The following ZFP28 variants were observed in gnomAD, a reference collection of about 807,000 sequenced individuals.
ZFP28 encodes ZFP28 zinc finger protein.
ZFP28 carries 31 observed loss-of-function variants against 39.5 expected under a neutral mutation model. The ratio of observed to expected loss-of-function variants is 0.79; its 90% CI spans 0.59 to 1.06. ZFP28 has a LOEUF of 1.06. Ranked by LOEUF, ZFP28 falls within the 50% of genes least tolerant of loss-of-function variation. ZFP28 has a pLI of 0.00. For synonymous variants in ZFP28, 400 were observed against 378.6 expected, an observed-to-expected ratio of 1.06 and a Z score of -0.66; for missense variants, 925 against 1,048.4, an observed-to-expected ratio of 0.88 and a Z score of 1.63.
chr19:56,551,303 T>C (rs2044300033), intron 7 of ZFP28: 2 of 986,960 alleles, frequency 2.0e-6, no homozygotes, highest in Non-Finnish European at 2.4e-6. Flanking sequence ...TTGTAGAAAA[T>C]GTAATTGTTT....
Position 56,547,229 on chromosome 19 carries a change from C to A in ZFP28, c.301-279C>A. 2.6e-6 allele frequency: 1 copy of A among 384,474 alleles called. No individual in the cohort carries two copies. Among genetic ancestry groups the A allele is most frequent in the Non-Finnish European group, 4.7e-6 (1 of 213,248 alleles). 23.8% of individuals were successfully genotyped at this position (384,474 alleles called of 1,614,324 possible). ...GACGGCCGTCTTCTCTCTGTGTCCT[C>A]ACGTGGTCTTTTCCCTGTGCCTGCA... On this transcript the variant is annotated intron_variant, in intron 2 of 7. Coordinates refer to ENST00000301318, the MANE Select transcript of ZFP28 (RefSeq NM_020828.2). This position sits in a 1 kb window ranked among gnomAD's most constrained non-coding sequence, Gnocchi z 4.6.
intron 7 of ZFP28, among the ~76,000 whole-genome samples, chr19:56,553,296 C>G (rs2044321462): frequency 6.6e-6 from 1 of 151,802 alleles, no homozygotes; most frequent in African/African-American, 2.4e-5. Context: ...TCATAGTTTA[C>G]TGCCACATCA....
chr19:56,544,108 C>T (rs1345638379), intron 2 of ZFP28, among the ~76,000 whole-genome samples: 2 of 152,228 alleles, frequency 1.3e-5, no homozygotes, highest in African/African-American at 4.8e-5. Flanking sequence ...GTACCTGGCA[C>T]ATAGTAAGGA....
At chr19:56,541,561 T>C (rs1170201042) in intron 2 of ZFP28, among the ~76,000 whole-genome samples, 1 of 152,128 alleles carries the variant, frequency 6.6e-6, no homozygotes, top group Non-Finnish European at 1.5e-5. Flanking sequence ...GCCAAAACTC[T>C]TCCTGTTACT....
chr19:56,555,251 C>G lies in ZFP28; in HGVS notation c.2466C>G (p.Phe822Leu), dbSNP rs773766950. ...SYNYKKSRKV[F>L]RQTAHLAHHQ... ...ACTATAAGAAAAGCAGAAAAGTCTT[C>G]AGGCAAACTGCTCACTTAGCTCATC... The change falls in exon 8 of 8, where the codon TTC becomes TTG. Residue 822 changes from phenylalanine to leucine, a missense_variant. Phe to Leu is a conservative substitution (Grantham distance 22). Coordinates refer to ENST00000301318, the MANE Select transcript of ZFP28 (RefSeq NM_020828.2). The G allele has an allele frequency of 1.2e-6, 2 of 1,614,206 alleles. No homozygotes were observed. Among genetic ancestry groups the G allele is most frequent in the Non-Finnish European group, 1.7e-6 (2 of 1,180,044 alleles).
chr19:56,539,313 C>A, intron 1 of ZFP28, 87 bp downstream of exon 1: 1 of 1,347,906 alleles, frequency 7.4e-7, no homozygotes, highest in Non-Finnish European at 9.9e-7. Flanking sequence ...CTCTCGGGGA[C>A]CAGTTGCTGG....
Position 56,547,646 on chromosome 19 carries a change from C to CT in ZFP28, c.427+12_427+13insT. The CT allele has an allele frequency of 6.2e-7, 1 of 1,601,242 alleles. No homozygotes were observed. Among genetic ancestry groups the CT allele is most frequent in the Non-Finnish European group, 8.5e-7 (1 of 1,173,186 alleles). ...CCTGGCATCGCTGGGTAAGGGCTCCCACCCCTTTTCCCACCCCTCACCCTA... is the reference window on the plus strand; with the variant it reads ...CCTGGCATCGCTGGGTAAGGGCTCCCTACCCCTTTTCCCACCCCTCACCCTA... On this transcript the variant is annotated intron_variant, in intron 3 of 7. Coordinates refer to ENST00000301318, the MANE Select transcript of ZFP28 (RefSeq NM_020828.2). The surrounding 1 kb of genome is among the most constrained non-coding windows in gnomAD (Gnocchi z 4.6).
At chr19:56,549,356 A>G (rs1477552407) in intron 5 of ZFP28, among the ~76,000 whole-genome samples, 2 of 152,210 alleles carry the variant, frequency 1.3e-5, no homozygotes, top group Non-Finnish European at 2.9e-5. Context: ...AAGGTCAGAA[A>G]TGTTTGACTT....
chr19:56,550,666 A>G lies in ZFP28; in HGVS notation c.898+61A>G, dbSNP rs1380709482. 2.5e-6 allele frequency: 4 copies of G among 1,609,788 alleles called. No individual in the cohort carries two copies. In the Admixed American group the frequency reaches 6.7e-5, roughly 27 times the overall value. On this transcript the variant is annotated intron_variant, in intron 7 of 7. Coordinates refer to ENST00000301318, the MANE Select transcript of ZFP28 (RefSeq NM_020828.2). ...GCAAGAGAGAGCGGAGCTTTTACCA[A>G]AAAGGCTGCATCCTCACTAATATAC...
At chr19:56,541,161 G>A (rs565430432) in intron 2 of ZFP28, among the ~76,000 whole-genome samples, 5 of 152,184 alleles carry the variant, frequency 3.3e-5, no homozygotes, top group Middle Eastern at 3.4e-3. Flanking sequence ...GTCCAGACCC[G>A]AAGTCCTGAG....
Position 56,553,669 on chromosome 19 carries a change from C to T in ZFP28, c.899-15C>T. The T allele has an allele frequency of 1.3e-6, 2 of 1,541,408 alleles. No individual in the cohort carries two copies. The highest frequency in any genetic ancestry group is 1.3e-5 in the South Asian group (1 of 79,236). ...ACACGAAAAAGGAAATATGTGTTTT[C>T]TTGGTATCTTTCAGGCCAGCGATCT... On this transcript the variant is annotated splice_polypyrimidine_tract_variant and intron_variant, in intron 7 of 7. Coordinates refer to ENST00000301318, the MANE Select transcript of ZFP28 (RefSeq NM_020828.2).
rs969673103 is a variant in ZFP28, at chr19:56,551,054, C to G, written c.898+449C>G. On this transcript the variant is annotated intron_variant, in intron 7 of 7. Transcript: ENST00000301318. Reference sequence around the variant, plus strand: ...AGGGAGAATTACACATAAATGTAAGCCATCAGTGAATTACTCTAATGGAAA... The same window carrying G: ...AGGGAGAATTACACATAAATGTAAGGCATCAGTGAATTACTCTAATGGAAA... 16 of 1,158,422 alleles carry G rather than the reference C, an allele frequency of 1.4e-5. No homozygotes were observed. The African/African-American group carries it at 2.5e-4, about 18-fold the overall frequency. 71.8% of individuals were successfully genotyped at this position (1,158,422 alleles called of 1,614,324 possible).
At chr19:56,544,514 T>C (rs928320799) in intron 2 of ZFP28, 3 of 152,204 alleles carry the variant, frequency 2.0e-5, no homozygotes, top group African/African-American at 7.2e-5. Context: ...GCCTAAAATA[T>C]TTACTTTCTG....
chr19:56,547,997 T>A lies in ZFP28; in HGVS notation c.523+95T>A. On this transcript the variant is annotated intron_variant, in intron 4 of 7. Coordinates refer to ENST00000301318, the MANE Select transcript of ZFP28 (RefSeq NM_020828.2). The surrounding 1 kb of genome is among the most constrained non-coding windows in gnomAD (Gnocchi z 4.6). ...ATCTTCAGCAGACTCTTCCTAAGCC[T>A]CTTGCTTAGGAATATCTGTTATTTT... 8.7e-7 allele frequency: 1 copy of A among 1,143,858 alleles called. No individual in the cohort carries two copies. The highest frequency in any genetic ancestry group is 1.3e-6 in the Non-Finnish European group (1 of 798,002). 70.9% of individuals were successfully genotyped at this position (1,143,858 alleles called of 1,614,324 possible).
chr19:56,548,923 A>G (rs1313064058), intron 4 of ZFP28, 35 bp from the exon 5 acceptor site: 1 of 1,582,878 alleles, frequency 6.3e-7, no homozygotes. Flanking sequence ...CTAACACATG[A>G]TAAAAGATAA....
rs768621904 is a variant in ZFP28 at position 56,549,114 on chromosome 19, C to G, written c.680C>G (p.Thr227Arg). ...TGGGATTATGATGCTCTGTTTGAGACACAGCCGGTAAGTCACAAGACAAAT... is the reference window on the plus strand; with the variant it reads ...TGGGATTATGATGCTCTGTTTGAGAGACAGCCGGTAAGTCACAAGACAAAT... ...EHWDYDALFE[T>R]QPGLVTIKNL... is the part of the protein sequence containing the mutation. Residue 227 changes from threonine (T) to arginine (R), a missense_variant, in exon 5 of 8, where the codon ACA (threonine) becomes AGA (arginine). Physicochemically the swap from Thr to Arg is moderately conservative, Grantham distance 71. This residue lies in a region of ZFP28 where 556 missense variants were observed against 542.9 expected (regional missense o/e 1.02). Transcript: ENST00000301318. The G allele has an allele frequency of 6.2e-6, 10 of 1,604,846 alleles. No homozygotes were observed. Among genetic ancestry groups the G allele is most frequent in the Non-Finnish European group, 8.5e-6 (10 of 1,175,904 alleles).
In ZFP28 at chr19:56,553,695, G is replaced by A. The variant is rs1476230455; in HGVS notation, c.910G>A (p.Val304Ile). ...TTGGTATCTTTCAGGCCAGCGATCT[G>A]TACATGAGACCCAGGAATTATTTCC... ...TGSLFSGQRS[V>I]HETQELFPKQ... The change falls in exon 8 of 8, where the codon GTA (valine) becomes ATA (isoleucine). Residue 304 changes from valine to isoleucine, a missense_variant. Around this residue, in one of 2 missense-constraint regions of ZFP28, gnomAD observed 556 missense variants for 542.9 expected, o/e 1.02. Coordinates refer to ENST00000301318, the MANE Select transcript of ZFP28 (RefSeq NM_020828.2). The A allele has an allele frequency of 1.2e-6, 2 of 1,608,120 alleles. No homozygotes were observed. The highest frequency in any genetic ancestry group is 2.2e-5 in the East Asian group (1 of 44,832).
chr19:56,542,753 CT>C (rs1321919743), intron 2 of ZFP28, among the ~76,000 whole-genome samples: 2 of 145,060 alleles, frequency 1.4e-5, no homozygotes, highest in Non-Finnish European at 3.0e-5. Context: ...TGCTTCGTCC[CT>C]GATTTTTTTA....
Position 56,554,394 on chromosome 19 carries a change from G to A in ZFP28, c.1609G>A (p.Val537Ile), listed in dbSNP as rs755376424. Residue 537 changes from valine (V) to isoleucine (I), a missense_variant, in exon 8 of 8, where the codon GTA becomes ATA. Coordinates refer to ENST00000301318, the MANE Select transcript of ZFP28 (RefSeq NM_020828.2). This position sits in a 1 kb window ranked among gnomAD's most constrained non-coding sequence, Gnocchi z 6.7. Reference sequence around the variant, plus strand: ...TGGAGAGAAACCTTACAAATGTGATGTATGTCACAAATCCTTCAGGTATGG... The same window carrying A: ...TGGAGAGAAACCTTACAAATGTGATATATGTCACAAATCCTTCAGGTATGG... The part of the protein sequence containing the change: ...HTGEKPYKCD[V>I]CHKSFRYGSS... 22 of 1,614,004 alleles carry A rather than the reference G, an allele frequency of 1.4e-5. No homozygotes were observed. The Admixed American group carries it at 2.5e-4, about 18-fold the overall frequency.
Sources: gnomAD v4.1 joint callset for allele counts (sites outside exome capture counted in the v4.1 genomes callset) on GRCh38, gnomAD v4.1.1 for gene constraint, gnomAD v4.1.1 regional missense constraint, Gnocchi (gnomAD v3.1) non-coding constraint, MANE v1.5 for transcripts, NCBI Gene and HGNC (gene_info 2026-07-23, HGNC 2026-07-21) for gene names.